Variants in NXPE1 observed in about 807,000 individuals in gnomAD.
NXPE1 encodes the protein neurexophilin and PC-esterase domain family member 1, also known as NXPE family member 1.
A neutral mutation model predicts 33.3 loss-of-function variants in NXPE1; 31 were observed. That is an observed-to-expected ratio of 0.93 (90% CI 0.70 to 1.26). The LOEUF (loss-of-function observed/expected upper bound fraction) is 1.26, where lower values mean the gene tolerates loss of function less well. Ranked by LOEUF, NXPE1 falls within the 50% of genes most tolerant of loss-of-function variation. The pLI, the probability that NXPE1 is intolerant of heterozygous loss-of-function variation, is 0.00. For synonymous variants in NXPE1, 229 were observed against 231.4 expected (o/e 0.99, Z 0.09); for missense variants, 661 against 655.6 (o/e 1.01, Z -0.09).
intron 1 of NXPE1, chr11:114,554,094 T>C: frequency 1.0e-6 from 1 of 985,474 alleles, no homozygotes; most frequent in South Asian, 4.7e-5. Context: ...ACTATCTGAC[T>C]CACTTGTCTC....
At position 114,553,797 on chromosome 11, in the gene NXPE1, A is replaced by G. The variant is rs919394637; in HGVS notation, c.-210-917T>C. ...AGCTGAACCCAGCCTTTGCTGGCTT[A>G]TGAAAGCCTATTCATGCACATTTCT... On this transcript the variant is annotated intron_variant, in intron 1 of 8. Coordinates refer to ENST00000534921, the Ensembl canonical transcript of NXPE1. 3.1e-6 allele frequency: 3 copies of G among 976,604 alleles called. No homozygotes were observed. The Admixed American group carries it at 1.8e-4, about 60-fold the overall frequency. The allele number at this position is 976,604 out of a possible 1,614,324, so 60.5% of individuals were successfully genotyped here. A position where few individuals can be genotyped will look rare whatever the true frequency, so the allele number is the denominator to read the frequency against.
downstream of NXPE1, among the ~76,000 whole-genome samples, chr11:114,521,160 C>T (rs978176385): frequency 1.8e-4 from 28 of 152,114 alleles, no homozygotes; most frequent in African/African-American, 6.0e-4. Flanking sequence ...TATTGATTTT[C>T]TCTTTAACAG....
chr11:114,534,334 A>G (rs1159284388), intron 5 of NXPE1, among the ~76,000 whole-genome samples: 1 of 152,204 alleles, frequency 6.6e-6, no homozygotes. Flanking sequence ...AAAGATGGGG[A>G]AAAAACAGAG....
chr11:114,538,124 A>G (rs9667301), intron 5 of NXPE1, among the ~76,000 whole-genome samples: 34,249 of 151,698 alleles, frequency 0.23, 5,430 homozygotes, highest in African/African-American at 0.44. Flanking sequence ...AAATAATGCC[A>G]CATATCTACA....
At chr11:114,520,700 G>A (rs1279011860), downstream of NXPE1, among the ~76,000 whole-genome samples, 4 of 152,138 alleles carry the variant, frequency 2.6e-5, no homozygotes, top group African/African-American at 7.2e-5. Flanking sequence ...CATAATGGCT[G>A]TACCAACTTA....
intron 1 of NXPE1, chr11:114,554,147 A>T (rs541658483): frequency 8.0e-5 from 79 of 985,450 alleles, no homozygotes; most frequent in Non-Finnish European, 9.2e-5. Flanking sequence ...ACAGGATTGA[A>T]TCAATGTACA....
chr11:114,556,433 T>A (rs951451824), intron 1 of NXPE1, among the ~76,000 whole-genome samples: 3 of 152,100 alleles, frequency 2.0e-5, no homozygotes, highest in Non-Finnish European at 4.4e-5. Context: ...ATTTCAGGGC[T>A]TTTTCTTCTA....
At chr11:114,529,852 G>A (rs1415146994) in intron 6 of NXPE1, 6 of 263,910 alleles carry the variant, frequency 2.3e-5, no homozygotes, top group Non-Finnish European at 4.3e-5. Context: ...AGATATTTAA[G>A]GGGCAAAATT....
intron 6 of NXPE1, among the ~76,000 whole-genome samples, chr11:114,528,413 G>T (rs1003321539): frequency 2.0e-5 from 3 of 152,118 alleles, no homozygotes; most frequent in Non-Finnish European, 4.4e-5. Context: ...TTTTTGGGTG[G>T]CAGGTAGACC....
intron 5 of NXPE1, among the ~76,000 whole-genome samples, chr11:114,534,350 A>T (rs6589434): frequency 0.23 from 34,442 of 152,060 alleles, 5,492 homozygotes; most frequent in African/African-American, 0.44. Context: ...CAGAGCAGAA[A>T]AACCGGAAAC....
At chr11:114,550,982 G>C in intron 5 of NXPE1, 121 bp downstream of exon 5, 2 of 612,432 alleles carry the variant, frequency 3.3e-6, no homozygotes, top group South Asian at 2.0e-5. Context: ...AGAGAGAGAA[G>C]ATAGGGCAGT....
At chr11:114,522,762 A>G (rs1271356149) in intron 8 of NXPE1, 117 bp downstream of exon 8, 1 of 737,984 alleles carries the variant, frequency 1.4e-6, no homozygotes. Context: ...AAAGGTTCAA[A>G]TCCAGAGAGC....
At chr11:114,532,018 G>T (rs1216231671) in intron 5 of NXPE1, among the ~76,000 whole-genome samples, 1 of 152,092 alleles carries the variant, frequency 6.6e-6, no homozygotes, top group African/African-American at 2.4e-5. Context: ...AGCCTCAAAA[G>T]CAATCTTAGG....
At chr11:114,524,336 C>T (rs1294131536) in intron 7 of NXPE1, among the ~76,000 whole-genome samples, 3 of 152,190 alleles carry the variant, frequency 2.0e-5, no homozygotes, top group Admixed American at 2.0e-4. Context: ...GCAGTTTCTG[C>T]TTTACCCTCC....
chr11:114,544,536 G>T (rs745417833), intron 5 of NXPE1, among the ~76,000 whole-genome samples: 5 of 152,146 alleles, frequency 3.3e-5, no homozygotes, highest in Non-Finnish European at 5.9e-5. Context: ...ATAAAAAAAT[G>T]AGCCTAGACA....
At chr11:114,540,816 T>A (rs1948065219) in intron 5 of NXPE1, among the ~76,000 whole-genome samples, 1 of 131,816 alleles carries the variant, frequency 7.6e-6, no homozygotes, top group Non-Finnish European at 1.6e-5. Flanking sequence ...GCAGAGTAGC[T>A]AAAACACAAT....
intron 5 of NXPE1, among the ~76,000 whole-genome samples, chr11:114,534,034 C>A (rs1318630710): frequency 1.3e-5 from 2 of 152,210 alleles, no homozygotes; most frequent in Non-Finnish European, 2.9e-5. Context: ...GAGGCACCCC[C>A]CAGTAGGGGC....
At chr11:114,540,358 G>A (rs1948046424) in intron 5 of NXPE1, among the ~76,000 whole-genome samples, 1 of 152,078 alleles carries the variant, frequency 6.6e-6, no homozygotes, top group Admixed American at 6.6e-5. Context: ...TTTACATATA[G>A]CAACATGATT....
At chr11:114,556,362 A>G (rs1200752445) in intron 1 of NXPE1, among the ~76,000 whole-genome samples, 2 of 152,132 alleles carry the variant, frequency 1.3e-5, no homozygotes, top group Non-Finnish European at 2.9e-5. Context: ...TCTGTGCTAC[A>G]CTTTGTGGAG....
Sources: gnomAD v4.1 joint callset for allele counts (sites outside exome capture counted in the v4.1 genomes callset) on GRCh38, gnomAD v4.1.1 for gene constraint, MANE v1.5 for transcripts, NCBI Gene and HGNC (gene_info 2026-07-23, HGNC 2026-07-21) for gene names.